The following URB2 variants were observed in gnomAD, a reference collection of about 807,000 sequenced individuals.
The protein encoded by URB2 is unhealthy ribosome biogenesis protein 2 homolog.
Under a neutral mutation model 120.9 loss-of-function variants are expected in URB2, and 86 were observed. The ratio of observed to expected loss-of-function variants is 0.71; its 90% CI spans 0.60 to 0.85. The LOEUF (loss-of-function observed/expected upper bound fraction) is 0.85, where lower values mean the gene tolerates loss of function less well. Among genes scored for constraint, URB2 ranks in the 40% least tolerant of loss-of-function variants. The pLI, the probability that URB2 is intolerant of heterozygous loss-of-function variation, is 0.00. For synonymous variants in URB2, 755 were observed against 758.4 expected (o/e 1.00, Z 0.07); for missense variants, 1,765 against 1,836.5 (o/e 0.96, Z 0.71).
Position 229,630,644 on chromosome 1 carries a change from CCTTTGAAG to C in URB2, c.127-1615_127-1608del, listed in dbSNP as rs889250250. 1.1e-4 allele frequency among the ~76,000 whole-genome samples: 16 copies of C among 152,230 alleles called. 1 individual carries two copies. The highest frequency in any genetic ancestry group is 3.6e-4 in the African/African-American group (15 of 41,542). ...GACCTTAATAAGAGAGTCAGCCTGTCCTTTGAAGCTTTGAAGCCAGGCATTGACTTCTC... is the reference window on the plus strand; with the variant it reads ...GACCTTAATAAGAGAGTCAGCCTGTCCTTTGAAGCCAGGCATTGACTTCTC... On this transcript the variant is annotated intron_variant, in intron 2 of 9. Transcript: ENST00000258243.
rs750927633 is a variant in URB2, at chr1:229,638,017, G to C, written c.3404G>C (p.Gly1135Ala). ...EADLGQHCRDGGADISQGSDR... is the reference protein window; with the variant it reads ...EADLGQHCRDAGADISQGSDR... Reference sequence around the variant, plus strand: ...GACCTGGGTCAGCACTGCAGGGATGGAGGGGCCGACATTTCCCAAGGAAGC... The same window carrying C: ...GACCTGGGTCAGCACTGCAGGGATGCAGGGGCCGACATTTCCCAAGGAAGC... The change falls in exon 4 of 10, where the codon GGA (glycine) becomes GCA (alanine). Residue 1135 changes from glycine to alanine, a missense_variant. By Grantham distance (60) the Gly-to-Ala change is moderately conservative. Coordinates refer to ENST00000258243, the MANE Select transcript of URB2 (RefSeq NM_014777.4). The C allele has an allele frequency of 6.2e-7, 1 of 1,613,202 alleles. No individual in the cohort carries two copies. The highest frequency in any genetic ancestry group is 1.3e-5 in the African/African-American group (1 of 74,938).
intron 1 of URB2, 127 bp from the exon 2 acceptor site, chr1:229,627,493 AT>A (rs1665535859): frequency 1.1e-6 from 1 of 897,498 alleles, no homozygotes; most frequent in Non-Finnish European, 1.5e-6. Flanking sequence ...CTGTTGATTC[AT>A]TAAAAACTTT....
chr1:229,655,611 G>A (rs1193545218), intron 9 of URB2, among the ~76,000 whole-genome samples: 2 of 152,206 alleles, frequency 1.3e-5, no homozygotes, highest in Non-Finnish European at 2.9e-5. Context: ...CCCATAGTAA[G>A]TTCACTACAG....
chr1:229,628,628 G>T (rs151152538), intron 2 of URB2, among the ~76,000 whole-genome samples: 1 of 152,114 alleles, frequency 6.6e-6, no homozygotes, highest in African/African-American at 2.4e-5. Context: ...AAAGTCTTCC[G>T]CATTGGATAA....
chr1:229,627,364 C>T (rs1665523747), intron 1 of URB2, among the ~76,000 whole-genome samples: 1 of 152,166 alleles, frequency 6.6e-6, no homozygotes, highest in South Asian at 2.1e-4. Context: ...TTGATCATAG[C>T]TGGAATACAT....
chr1:229,658,978 T>G, intron 9 of URB2, 122 bp from the exon 10 acceptor site: 1 of 896,634 alleles, frequency 1.1e-6, no homozygotes, highest in Non-Finnish European at 1.7e-6. Context: ...ATGTCGATTT[T>G]TTTCTCAATT....
rs756330763 is a variant in URB2 at position 229,637,971 on chromosome 1, GTCAGCACGC to G, written c.3361_3369del (p.Ser1121_Leu1123del). 3.7e-6 allele frequency: 6 copies of G among 1,613,412 alleles called. No individual in the cohort carries two copies. The highest frequency in any genetic ancestry group is 1.7e-5 in the Admixed American group (1 of 59,964). ...CCTTCCCTCGGTCCTCATCTCATCC[GTCAGCACGC>G]TCTTGGAAGCCGACCTGGGTCAGCA... On this transcript the variant is annotated inframe_deletion, in exon 4 of 10. Coordinates refer to ENST00000258243, the MANE Select transcript of URB2 (RefSeq NM_014777.4).
At chr1:229,638,677 T>C (rs911485400) in intron 4 of URB2, among the ~76,000 whole-genome samples, 2 of 151,090 alleles carry the variant, frequency 1.3e-5, no homozygotes, top group African/African-American at 2.4e-5. Context: ...ATGTGGACAG[T>C]GAGAAGACCT....
At position 229,627,487 on chromosome 1, in the gene URB2, T is replaced by G. The variant is rs1665535470; in HGVS notation, c.-13-134T>G. The stretch of plus-strand genomic sequence containing the variant: ...TGTAGATTTACCCCGACAAATCTGT[T>G]GATTCATTAAAAACTTTTAAAAGAA... On this transcript the variant is annotated intron_variant, in intron 1 of 9. Transcript: ENST00000258243. The G allele has an allele frequency of 4.8e-6, 4 of 832,412 alleles. No homozygotes were observed. The South Asian group carries it at 1.3e-4, about 27-fold the overall frequency. The allele number at this position is 832,412 out of a possible 1,614,324, so 51.6% of individuals were successfully genotyped here. A position where few individuals can be genotyped will look rare whatever the true frequency, so the allele number is the denominator to read the frequency against.
In URB2 at chr1:229,637,828, A is replaced by T. The variant is rs1665888026; in HGVS notation, c.3215A>T (p.Lys1072Ile). 1 of 1,608,762 alleles carries T rather than the reference A, an allele frequency of 6.2e-7. No homozygotes were observed. The highest frequency in any genetic ancestry group is 1.3e-5 in the African/African-American group (1 of 74,590). Reference protein sequence around the residue: ...RLCHVLGPFLKEQKLGQEAPA... With the variant: ...RLCHVLGPFLIEQKLGQEAPA... Reference sequence around the variant, plus strand: ...TGCCATGTCCTGGGACCTTTCCTCAAAGAGCAGAAGCTGGGCCAAGAGGCC... The same window carrying T: ...TGCCATGTCCTGGGACCTTTCCTCATAGAGCAGAAGCTGGGCCAAGAGGCC... Residue 1072 changes from lysine to isoleucine, a missense_variant, in exon 4 of 10, where the codon AAA becomes ATA. Transcript: ENST00000258243.
At chr1:229,640,984 C>T (rs1443760931) in intron 4 of URB2, among the ~76,000 whole-genome samples, 2 of 150,252 alleles carry the variant, frequency 1.3e-5, no homozygotes, top group Non-Finnish European at 3.0e-5. Context: ...TTTTCCTCTT[C>T]AACCCTACTG....
rs746651392 is a variant in URB2, at chr1:229,637,896, A to G, written c.3283A>G (p.Thr1095Ala). 2 of 1,603,700 alleles carry G rather than the reference A, an allele frequency of 1.2e-6. No individual in the cohort carries two copies. Among genetic ancestry groups the G allele is most frequent in the Admixed American group, 3.5e-5 (2 of 57,954 alleles). ...SELLQQVVLQTGAVLQLCSVP... is the reference protein window; with the variant it reads ...SELLQQVVLQAGAVLQLCSVP... ...GCTGCTGCAGCAGGTTGTGCTGCAGACAGGAGCTGTGCTGCAGCTCTGCTC... is the reference window on the plus strand; with the variant it reads ...GCTGCTGCAGCAGGTTGTGCTGCAGGCAGGAGCTGTGCTGCAGCTCTGCTC... The change falls in exon 4 of 10, where the codon ACA (threonine) becomes GCA (alanine). Residue 1095 changes from threonine (T) to alanine (A), a missense_variant. Physicochemically the swap from Thr to Ala is moderately conservative, Grantham distance 58. Coordinates refer to ENST00000258243, the MANE Select transcript of URB2 (RefSeq NM_014777.4).
intron 5 of URB2, among the ~76,000 whole-genome samples, chr1:229,643,971 T>G (rs1267091251): frequency 1.3e-5 from 2 of 152,256 alleles, no homozygotes; most frequent in Non-Finnish European, 2.9e-5. Context: ...ACAAAACTGA[T>G]CCATAAAAAA....
chr1:229,657,945 G>T (rs998110435), intron 9 of URB2, among the ~76,000 whole-genome samples: 1 of 152,054 alleles, frequency 6.6e-6, no homozygotes, highest in Non-Finnish European at 1.5e-5. Context: ...AGGTTATCAG[G>T]GTAGCAATAA....
At chr1:229,654,531 C>G in intron 9 of URB2, 143 bp downstream of exon 9, 1 of 1,234,406 alleles carries the variant, frequency 8.1e-7, no homozygotes, top group Non-Finnish European at 1.1e-6. Flanking sequence ...TTTGCTCTCT[C>G]ACTCAGGCTG....
intron 4 of URB2, among the ~76,000 whole-genome samples, chr1:229,643,264 T>C (rs944611242): frequency 6.6e-6 from 1 of 152,252 alleles, no homozygotes; most frequent in Non-Finnish European, 1.5e-5. Context: ...AATCACTGTC[T>C]TCTGTGGTTC....
At chr1:229,647,034 AC>A (rs1666162328) in intron 6 of URB2, among the ~76,000 whole-genome samples, 1 of 152,100 alleles carries the variant, frequency 6.6e-6, no homozygotes, top group Non-Finnish European at 1.5e-5. Flanking sequence ...GAGGCACGTG[AC>A]CCATGCTGAC....
At chr1:229,628,244 A>T (rs1223033173) in intron 2 of URB2, among the ~76,000 whole-genome samples, 1 of 145,408 alleles carries the variant, frequency 6.9e-6, no homozygotes, top group Admixed American at 7.0e-5. Flanking sequence ...TATATATTAT[A>T]CATATACATA....
chr1:229,649,292 A>G (rs938099465), intron 7 of URB2, among the ~76,000 whole-genome samples: 9 of 152,192 alleles, frequency 5.9e-5, no homozygotes, highest in African/African-American at 2.2e-4. Flanking sequence ...TCCCCTGTTA[A>G]CAATTGCCTT....
Sources: gnomAD v4.1 joint callset for allele counts (sites outside exome capture counted in the v4.1 genomes callset) on GRCh38, gnomAD v4.1.1 for gene constraint, MANE v1.5 for transcripts, NCBI Gene and HGNC (gene_info 2026-07-23, HGNC 2026-07-21) for gene names.